ITFG1: variants seen among roughly 807,000 people sequenced by gnomAD.
ITFG1 encodes integrin alpha FG-GAP repeat containing 1.
A neutral mutation model predicts 81.8 loss-of-function variants in ITFG1; 34 were observed. The observed-to-expected ratio is 0.42, with a 90% CI of 0.32 to 0.55. ITFG1 has a LOEUF of 0.55. ITFG1 is among the 20% of genes least tolerant of loss of function. The probability of loss-of-function intolerance (pLI) is 0.17; values close to 1 mark genes in which losing one functional copy is unlikely to be tolerated. For synonymous variants in ITFG1, 285 were observed against 270.6 expected (o/e 1.05, Z -0.52); for missense variants, 672 against 755.4 (o/e 0.89, Z 1.29).
rs567212591 is a variant in ITFG1, at chr16:47,349,029, C to G, written c.802+16759G>C. Among the ~76,000 whole-genome samples, 1,471 of 152,232 alleles carry G rather than the reference C, an allele frequency of 9.7e-3. 15 individuals carry two copies. The highest frequency in any genetic ancestry group is 0.017 in the Middle Eastern group (5 of 294). On this transcript the variant is annotated intron_variant, in intron 8 of 17. Coordinates refer to ENST00000320640, the MANE Select transcript of ITFG1 (RefSeq NM_030790.5). ...AAATGCTGAGAGATTTTGTCACCAC[C>G]AGGCCTGCCCTAAAAGAGCTCCTGA...
intron 10 of ITFG1, among the ~76,000 whole-genome samples, chr16:47,279,363 T>G (rs1405447533): frequency 6.6e-6 from 1 of 152,164 alleles, no homozygotes; most frequent in African/African-American, 2.4e-5. Flanking sequence ...GATGCCCAGT[T>G]TTTCCAATAC....
rs186342764 is a variant in ITFG1 at position 47,155,330 on chromosome 16, G to C, written c.*389C>G. ...TGATATATTCACAAAAGTATAATTT[G>C]CATCATTAGAATAAGAAGCAAGACC... is the stretch of plus-strand genomic sequence containing the variant. On this transcript the variant is annotated 3_prime_UTR_variant, in exon 18 of 18. Transcript: ENST00000320640. 6.3e-6 allele frequency: 1 copy of C among 157,866 alleles called. No individual in the cohort carries two copies. Among genetic ancestry groups the C allele is most frequent in the East Asian group, 1.9e-4 (1 of 5,362 alleles). The allele number at this position is 157,866 out of a possible 1,614,324, so 9.8% of individuals were successfully genotyped here.
chr16:47,408,400 G>A (rs993880418), intron 6 of ITFG1, among the ~76,000 whole-genome samples: 1 of 152,176 alleles, frequency 6.6e-6, no homozygotes, highest in African/African-American at 2.4e-5. Flanking sequence ...GAGCTTACAA[G>A]TTCTAAAAGT....
chr16:47,436,766 T>C (rs903069906), intron 5 of ITFG1, among the ~76,000 whole-genome samples: 1 of 152,206 alleles, frequency 6.6e-6, no homozygotes, highest in Non-Finnish European at 1.5e-5. Context: ...CCATTAGGTC[T>C]TCTTCCTTTA....
chr16:47,319,592 T>C (rs1264137264), intron 8 of ITFG1, among the ~76,000 whole-genome samples: 1 of 152,126 alleles, frequency 6.6e-6, no homozygotes, highest in Non-Finnish European at 1.5e-5. Context: ...TACTCAAGGG[T>C]TGAGACTTAC....
chr16:47,450,279 C>A (rs1031130176), intron 5 of ITFG1: 1 of 157,710 alleles, frequency 6.3e-6, no homozygotes, highest in Non-Finnish European at 1.4e-5. Flanking sequence ...GTTTCTCATT[C>A]AGGATTCACA....
At chr16:47,309,909 T>C (rs934799187) in intron 10 of ITFG1, among the ~76,000 whole-genome samples, 2 of 152,232 alleles carry the variant, frequency 1.3e-5, no homozygotes, top group Admixed American at 6.5e-5. Flanking sequence ...AAATGTAATT[T>C]CTTATTCTTC....
At chr16:47,278,369 G>A (rs754607818) in intron 10 of ITFG1, among the ~76,000 whole-genome samples, 4 of 152,168 alleles carry the variant, frequency 2.6e-5, no homozygotes, top group Admixed American at 1.3e-4. Flanking sequence ...ATTGGAAGAC[G>A]CCATTTACAA....
intron 13 of ITFG1, among the ~76,000 whole-genome samples, chr16:47,227,882 A>T (rs1023785123): frequency 6.6e-6 from 1 of 152,200 alleles, no homozygotes. Flanking sequence ...GGTAATTTTT[A>T]AAAATCCTGT....
chr16:47,313,435 C>T (rs1371009294), intron 9 of ITFG1, among the ~76,000 whole-genome samples: 1 of 152,090 alleles, frequency 6.6e-6, no homozygotes, highest in African/African-American at 2.4e-5. Context: ...TCTAAGTAAC[C>T]TTTTATTATA....
intron 14 of ITFG1, among the ~76,000 whole-genome samples, chr16:47,189,500 A>T (rs1163985221): frequency 6.6e-6 from 1 of 152,190 alleles, no homozygotes; most frequent in African/African-American, 2.4e-5. Context: ...CGCTTAGAAT[A>T]GTTTAGTATG....
chr16:47,159,087 C>T (rs914411001), intron 16 of ITFG1, 97 bp from the exon 17 acceptor site: 2 of 535,384 alleles, frequency 3.7e-6, no homozygotes, highest in East Asian at 6.5e-5. Context: ...ATTAATTAAA[C>T]AGTCAATGTA....
At chr16:47,244,072 G>A (rs944755725) in intron 12 of ITFG1, among the ~76,000 whole-genome samples, 2 of 152,194 alleles carry the variant, frequency 1.3e-5, no homozygotes, top group Non-Finnish European at 2.9e-5. Flanking sequence ...ACATAGTGTT[G>A]AGCAAAAGAA....
rs28432840 is a variant in ITFG1, at chr16:47,255,738, G to A, written c.1330+2894C>T. 4.2e-3 allele frequency among the ~76,000 whole-genome samples: 642 copies of A among 152,302 alleles called. 5 individuals are homozygous for A. Among genetic ancestry groups the A allele is most frequent in the African/African-American group, 0.015 (613 of 41,566 alleles). ...CCAGCAATCAAAGACAAATAAGACA[G>A]AGGCTGCTCTTAAGTTGCTTAGATC... On this transcript the variant is annotated intron_variant, in intron 12 of 17. Transcript: ENST00000320640.
At position 47,161,770 on chromosome 16, in the gene ITFG1, G is replaced by A. The variant is rs1964809520; in HGVS notation, c.1641C>T (p.Tyr547=). ...IPNSQLIVIP[Y]PHNVPRSWSA... ...ATTACCTTCGAGGGACATTGTGAGGGTATGGAATGACAATTAGCTGGGAAT... is the reference window on the plus strand; with the variant it reads ...ATTACCTTCGAGGGACATTGTGAGGATATGGAATGACAATTAGCTGGGAAT... Residue 547 remains tyrosine (Y), a synonymous_variant, in exon 16 of 18, where the codon TAC becomes TAT. Coordinates refer to ENST00000320640, the MANE Select transcript of ITFG1 (RefSeq NM_030790.5). 6.2e-7 allele frequency: 1 copy of A among 1,610,018 alleles called. No homozygotes were observed. The highest frequency in any genetic ancestry group is 8.5e-7 in the Non-Finnish European group (1 of 1,176,446).
chr16:47,210,642 T>A (rs959421309), intron 14 of ITFG1, among the ~76,000 whole-genome samples: 8 of 152,224 alleles, frequency 5.3e-5, no homozygotes, highest in Non-Finnish European at 1.2e-4. Context: ...AGAAGATCTA[T>A]GGTTTCATAT....
intron 10 of ITFG1, among the ~76,000 whole-genome samples, chr16:47,289,727 C>A (rs1403212268): frequency 4.6e-5 from 7 of 151,638 alleles, no homozygotes; most frequent in Non-Finnish European, 1.0e-4. Flanking sequence ...TTTATTGGGG[C>A]CTTTCCTCTT....
intron 10 of ITFG1, among the ~76,000 whole-genome samples, chr16:47,271,642 G>A (rs768939776): frequency 3.3e-5 from 5 of 152,166 alleles, no homozygotes; most frequent in Non-Finnish European, 7.4e-5. Context: ...GGTGGATCAC[G>A]AGGTCAGGAG....
At chr16:47,186,413 T>C (rs1802805998) in intron 14 of ITFG1, among the ~76,000 whole-genome samples, 1 of 152,152 alleles carries the variant, frequency 6.6e-6, no homozygotes, top group Admixed American at 6.5e-5. Context: ...TTATCCACCA[T>C]GATCAAGTGG....
Sources: allele counts gnomAD v4.1 joint callset (sites outside exome capture counted in the v4.1 genomes callset), GRCh38; gene constraint gnomAD v4.1.1; transcripts MANE v1.5; gene names NCBI Gene and HGNC (gene_info 2026-07-23, HGNC 2026-07-21).